The following TBC1D22A variants were observed in gnomAD, a reference collection of about 807,000 sequenced individuals.
TBC1D22A encodes putative GTPase activator.
A neutral mutation model predicts 60.2 loss-of-function variants in TBC1D22A; 38 were observed. The observed-to-expected ratio is 0.63, with a 90% CI of 0.49 to 0.83. TBC1D22A has a LOEUF of 0.83. Ranked by LOEUF, TBC1D22A falls within the 40% of genes least tolerant of loss-of-function variation. The pLI is 0.00. For synonymous variants in TBC1D22A, 302 were observed against 281.7 expected (o/e 1.07, Z -0.72); for missense variants, 628 against 701.0 (o/e 0.90, Z 1.18).
At chr22:46,850,592 C>T (rs9626910) in intron 4 of TBC1D22A, among the ~76,000 whole-genome samples, 15,683 of 152,118 alleles carry the variant, frequency 0.1, 917 homozygotes, top group Non-Finnish European at 0.12. Flanking sequence ...TGTACGGTGA[C>T]GCAGCTGGTG....
intron 11 of TBC1D22A, among the ~76,000 whole-genome samples, chr22:47,052,460 G>A (rs1210903207): frequency 6.6e-6 from 1 of 152,196 alleles, no homozygotes; most frequent in Non-Finnish European, 1.5e-5. Context: ...TTTAGAAGGA[G>A]ACAGCCTGAT....
chr22:47,078,919 C>T (rs975365730), intron 11 of TBC1D22A, among the ~76,000 whole-genome samples: 2 of 152,228 alleles, frequency 1.3e-5, no homozygotes, highest in African/African-American at 2.4e-5. Context: ...GGACGTGGAC[C>T]GATTCCATCA....
chr22:46,967,540 G>A (rs1183049982), intron 8 of TBC1D22A, among the ~76,000 whole-genome samples: 4 of 152,322 alleles, frequency 2.6e-5, no homozygotes, highest in East Asian at 1.9e-4. Flanking sequence ...TGGTGGTAAC[G>A]GCAATAGCTC....
chr22:47,144,582 G>A (rs1383603908), intron 12 of TBC1D22A, among the ~76,000 whole-genome samples: 1 of 152,262 alleles, frequency 6.6e-6, no homozygotes, highest in Non-Finnish European at 1.5e-5. Context: ...CATGCACTTA[G>A]GGCACACTCA....
chr22:46,984,511 G>A (rs372548153), intron 9 of TBC1D22A, among the ~76,000 whole-genome samples: 4 of 150,900 alleles, frequency 2.7e-5, no homozygotes, highest in Non-Finnish European at 4.4e-5. Context: ...CAAGGTTGTC[G>A]GTTCGCTATT....
chr22:46,923,032 C>T (rs1016263848), intron 8 of TBC1D22A, among the ~76,000 whole-genome samples: 2 of 152,102 alleles, frequency 1.3e-5, no homozygotes, highest in Non-Finnish European at 2.9e-5. Flanking sequence ...CAGCTTTTGT[C>T]CATTCAGTGT....
chr22:46,905,331 T>G (rs1375897268), intron 7 of TBC1D22A, among the ~76,000 whole-genome samples: 4 of 152,332 alleles, frequency 2.6e-5, no homozygotes, highest in East Asian at 1.9e-4. Context: ...GGAGGAGGCC[T>G]CTGTCCTTTC....
chr22:47,044,569 G>T (rs2062967877), intron 11 of TBC1D22A, among the ~76,000 whole-genome samples: 1 of 152,228 alleles, frequency 6.6e-6, no homozygotes, highest in African/African-American at 2.4e-5. Context: ...AGCTGAAGAA[G>T]CTGGTCTCCG....
chr22:46,929,054 A>G (rs1569232608), intron 8 of TBC1D22A, among the ~76,000 whole-genome samples: 1 of 151,960 alleles, frequency 6.6e-6, no homozygotes, highest in Non-Finnish European at 1.5e-5. Flanking sequence ...AACTTAGTGA[A>G]TATATGAAAA....
intron 5 of TBC1D22A, among the ~76,000 whole-genome samples, chr22:46,878,945 GACAACTAT>G (rs1413069568): frequency 3.9e-5 from 6 of 152,260 alleles, no homozygotes; most frequent in Admixed American, 1.3e-4. Flanking sequence ...TAATAATTAT[GACAACTAT>G]ATTTTTTCCT....
chr22:47,026,403 T>C (rs1156607830), intron 10 of TBC1D22A, among the ~76,000 whole-genome samples: 1 of 152,182 alleles, frequency 6.6e-6, no homozygotes, highest in Admixed American at 6.5e-5. Flanking sequence ...AAAACGTACA[T>C]TCATTTATTC....
intron 7 of TBC1D22A, among the ~76,000 whole-genome samples, chr22:46,904,761 C>A (rs1037912531): frequency 3.3e-5 from 5 of 151,396 alleles, no homozygotes; most frequent in African/African-American, 1.2e-4. Flanking sequence ...AGCCACTGCA[C>A]CCGGCCGAGA....
intron 11 of TBC1D22A, among the ~76,000 whole-genome samples, chr22:47,059,132 G>C (rs1237327265): frequency 6.6e-6 from 1 of 152,266 alleles, no homozygotes; most frequent in Non-Finnish European, 1.5e-5. Flanking sequence ...CTCGGCCAGG[G>C]TAGGTGCTCT....
rs375935221 is a variant in TBC1D22A at position 46,928,997 on chromosome 22, G to T, written c.1015+16809G>T. On this transcript the variant is annotated intron_variant, in intron 8 of 12. Coordinates refer to ENST00000337137, the MANE Select transcript of TBC1D22A (RefSeq NM_014346.5). Reference sequence around the variant, plus strand: ...TGTTAATGGGTACAGAGTTTCTTCTGGGGGGAGGCAAAATGTTGTAAAATT... The same window carrying T: ...TGTTAATGGGTACAGAGTTTCTTCTTGGGGGAGGCAAAATGTTGTAAAATT... 4.6e-5 allele frequency among the ~76,000 whole-genome samples: 7 copies of T among 152,238 alleles called. No individual in the cohort carries two copies. In the East Asian group the frequency reaches 9.7e-4, roughly 21 times the overall value.
intron 1 of TBC1D22A, among the ~76,000 whole-genome samples, chr22:46,765,106 T>A (rs531476710): frequency 1.3e-5 from 2 of 152,354 alleles, no homozygotes; most frequent in Admixed American, 1.3e-4. Flanking sequence ...CTGTATTACC[T>A]TTGTGAAGTT....
At chr22:46,957,077 C>A (rs1471239354) in intron 8 of TBC1D22A, among the ~76,000 whole-genome samples, 1 of 152,158 alleles carries the variant, frequency 6.6e-6, no homozygotes, top group African/African-American at 2.4e-5. Context: ...CAGTGGGGAG[C>A]CTCGAGACCT....
chr22:47,056,673 A>C (rs1034199918), intron 11 of TBC1D22A, among the ~76,000 whole-genome samples: 3 of 152,018 alleles, frequency 2.0e-5, no homozygotes, highest in African/African-American at 4.8e-5. Flanking sequence ...GGCCACACTC[A>C]TGTCAACCCC....
chr22:47,004,567 C>T (rs950310572), intron 10 of TBC1D22A, among the ~76,000 whole-genome samples: 1 of 151,356 alleles, frequency 6.6e-6, no homozygotes, highest in Admixed American at 6.6e-5. Flanking sequence ...TGTACACACA[C>T]CCCTGCACAT....
At chr22:47,082,163 T>TA (rs1029537701) in intron 11 of TBC1D22A, among the ~76,000 whole-genome samples, 13 of 149,354 alleles carry the variant, frequency 8.7e-5, no homozygotes, top group Admixed American at 4.0e-4. Flanking sequence ...ATCTCAAAAA[T>TA]AAAAAAAAAA....
Sources: gnomAD v4.1 joint callset for allele counts (sites outside exome capture counted in the v4.1 genomes callset) on GRCh38, gnomAD v4.1.1 for gene constraint, MANE v1.5 for transcripts, NCBI Gene and HGNC (gene_info 2026-07-23, HGNC 2026-07-21) for gene names.